FLT3: variants seen among roughly 807,000 people sequenced by gnomAD.
FLT3 encodes receptor-type tyrosine-protein kinase FLT3.
FLT3 carries 46 observed loss-of-function variants against 126.6 expected under a neutral mutation model. The observed-to-expected ratio is 0.36, with a 90% confidence interval of 0.29 to 0.46. The LOEUF is 0.46. Among genes scored for constraint, FLT3 ranks in the 20% least tolerant of loss-of-function variants. The pLI, the probability that FLT3 is intolerant of heterozygous loss-of-function variation, is 1.00. For missense variants in FLT3, 1,069 were observed against 1,190.3 expected (o/e 0.90, Z 1.50); for synonymous variants, 404 against 434.4 (o/e 0.93, Z 0.87).
At chr13:28,030,798 C>T (rs1873259647) in intron 15 of FLT3, among the ~76,000 whole-genome samples, 1 of 152,092 alleles carries the variant, frequency 6.6e-6, no homozygotes, top group African/African-American at 2.4e-5. Flanking sequence ...GTTCCAGTTA[C>T]TGGAAAGGCT....
chr13:28,061,538 G>T (rs1876563254), intron 3 of FLT3, among the ~76,000 whole-genome samples: 2 of 152,166 alleles, frequency 1.3e-5, no homozygotes, highest in East Asian at 3.9e-4. Context: ...GGCTGAGGTG[G>T]GTGGATCGCT....
At position 28,075,501 on chromosome 13, in the gene FLT3, G is replaced by A. The variant is rs551160939; in HGVS notation, c.44-4889C>T. Among the ~76,000 whole-genome samples the A allele has an allele frequency of 2.0e-5, 3 of 150,938 alleles. No homozygotes were observed. The South Asian group carries it at 6.2e-4, about 31-fold the overall frequency. On this transcript the variant is annotated intron_variant, in intron 1 of 23. Coordinates refer to ENST00000241453, the MANE Select transcript of FLT3 (RefSeq NM_004119.3). ...GCACTTTGGGAGGCCGAGGTGGGCA[G>A]ATCACTTGAGGTCGGGAGTTCAAGA...
At chr13:28,066,991 T>C (rs1421921074) in intron 2 of FLT3, among the ~76,000 whole-genome samples, 1 of 152,164 alleles carries the variant, frequency 6.6e-6, no homozygotes, top group Non-Finnish European at 1.5e-5. Context: ...TTCCTGTCAC[T>C]CTGAATATGA....
intron 19 of FLT3, among the ~76,000 whole-genome samples, chr13:28,019,117 G>A (rs377030813): frequency 2.0e-5 from 3 of 151,922 alleles, no homozygotes; most frequent in East Asian, 1.9e-4. Context: ...ACAGGCACGC[G>A]CCACCAGGCC....
chr13:28,049,223 A>C (rs1875195042), intron 8 of FLT3, among the ~76,000 whole-genome samples, 161 bp downstream of exon 8: 1 of 152,220 alleles, frequency 6.6e-6, no homozygotes, highest in African/African-American at 2.4e-5. Flanking sequence ...GAAAAGGAAG[A>C]GGGTGGGCAG....
At chr13:28,079,713 T>C (rs1037250920) in intron 1 of FLT3, among the ~76,000 whole-genome samples, 2 of 152,106 alleles carry the variant, frequency 1.3e-5, no homozygotes, top group Admixed American at 6.6e-5. Context: ...ACCCATCAGA[T>C]CTTGTGAGAC....
chr13:28,084,668 T>A (rs886160885), intron 1 of FLT3, among the ~76,000 whole-genome samples: 9 of 152,294 alleles, frequency 5.9e-5, no homozygotes, highest in Middle Eastern at 3.4e-3. Flanking sequence ...ATATACTTTG[T>A]ATGTATTGAA....
intron 15 of FLT3, among the ~76,000 whole-genome samples, chr13:28,029,981 G>A (rs1394143997): frequency 5.9e-5 from 9 of 152,168 alleles, no homozygotes; most frequent in Admixed American, 5.9e-4. Context: ...ACAGGGGCAA[G>A]GGCAGGGTCT....
Position 28,052,675 on chromosome 13 carries a change from C to CCTGCTT in FLT3, c.485-2_485-1insAAGCAG. The stretch of plus-strand genomic sequence containing the variant: ...CTTCTTAATGTGTAAAGCAGGGTAT[C>CCTGCTT]TAAAGCATCATAAGTTATTAACATT... On this transcript the variant is annotated splice_acceptor_variant, in intron 4 of 23. Coordinates refer to ENST00000241453, the MANE Select transcript of FLT3 (RefSeq NM_004119.3). LOFTEE classifies it high-confidence loss of function. The CCTGCTT allele has an allele frequency of 1.3e-6, 2 of 1,589,276 alleles. No individual in the cohort carries two copies. Among genetic ancestry groups the CCTGCTT allele is most frequent in the South Asian group, 2.2e-5 (2 of 89,694 alleles).
chr13:28,087,234 CA>C (rs1878734356), intron 1 of FLT3, among the ~76,000 whole-genome samples: 1 of 151,410 alleles, frequency 6.6e-6, no homozygotes, highest in Non-Finnish European at 1.5e-5. Flanking sequence ...CATGCCTGGC[CA>C]ATTCTTTTAT....
intron 19 of FLT3, among the ~76,000 whole-genome samples, chr13:28,019,989 A>C (rs758591807): frequency 1.3e-5 from 2 of 152,062 alleles, no homozygotes; most frequent in Non-Finnish European, 2.9e-5. Context: ...TTTCCAACCC[A>C]AACATTTCTC....
chr13:28,034,433 G>T, intron 12 of FLT3, 26 bp from the exon 13 acceptor site: 1 of 1,480,972 alleles, frequency 6.8e-7, no homozygotes, highest in African/African-American at 1.4e-5. Context: ...GTCACTCAGC[G>T]ATGAAACAGA....
At chr13:28,050,276 GAAT>G in intron 5 of FLT3, 54 bp from the exon 6 acceptor site, 1 of 1,566,258 alleles carries the variant, frequency 6.4e-7, no homozygotes, top group Non-Finnish European at 8.8e-7. Flanking sequence ...AATTACAAAT[GAAT>G]GCTCAAGAGG....
intron 1 of FLT3, among the ~76,000 whole-genome samples, chr13:28,089,677 G>A (rs1417346363): frequency 6.6e-6 from 1 of 151,838 alleles, no homozygotes; most frequent in African/African-American, 2.4e-5. Context: ...AGGAAAGAGA[G>A]TACTGGTTGT....
At chr13:28,091,251 TCG>T (rs1879030878) in intron 1 of FLT3, among the ~76,000 whole-genome samples, 1 of 119,544 alleles carries the variant, frequency 8.4e-6, no homozygotes, top group Non-Finnish European at 1.7e-5. Flanking sequence ...AGACGGAGTC[TCG>T]CTCTGTCGCC....
At chr13:28,005,340 A>G (rs4771203) in intron 23 of FLT3, among the ~76,000 whole-genome samples, 28,788 of 152,086 alleles carry the variant, frequency 0.19, 3,324 homozygotes, top group Admixed American at 0.3. Flanking sequence ...AAAAAAAGAA[A>G]AAAGGCTACA....
At chr13:28,049,874 C>A in intron 6 of FLT3, 100 bp from the exon 7 acceptor site, 1 of 1,285,068 alleles carries the variant, frequency 7.8e-7, no homozygotes, top group South Asian at 1.4e-5. Context: ...AGCATCATCT[C>A]AAATATTACT....
chr13:28,064,642 A>G (rs1017289760), intron 2 of FLT3, among the ~76,000 whole-genome samples: 5 of 152,210 alleles, frequency 3.3e-5, no homozygotes, highest in Non-Finnish European at 7.3e-5. Flanking sequence ...TTAGAAATCC[A>G]TAAGTTAAAA....
rs576448620 is a variant in FLT3, at chr13:28,097,329, T to C, written c.43+3139A>G. Among the ~76,000 whole-genome samples, 5 of 152,292 alleles carry C rather than the reference T, an allele frequency of 3.3e-5. No homozygotes were observed. In the East Asian group the frequency reaches 9.6e-4, roughly 29 times the overall value. On this transcript the variant is annotated intron_variant, in intron 1 of 23. Transcript: ENST00000241453. ...AAACAGATTTTTTCTTCCTAATGCATGTTTTCTCTTCATTTTTCTTATCTG... is the reference window on the plus strand; with the variant it reads ...AAACAGATTTTTTCTTCCTAATGCACGTTTTCTCTTCATTTTTCTTATCTG...
Sources: gnomAD v4.1 joint callset for allele counts (sites outside exome capture counted in the v4.1 genomes callset) on GRCh38, gnomAD v4.1.1 for gene constraint, MANE v1.5 for transcripts, NCBI Gene and HGNC (gene_info 2026-07-23, HGNC 2026-07-21) for gene names.